The following ZMAT4 variants were observed in gnomAD, a reference collection of about 807,000 sequenced individuals.
ZMAT4 encodes the protein zinc finger matrin-type 4, also known as zinc finger matrin-type protein 4.
ZMAT4 carries 17 observed loss-of-function variants against 28.7 expected under a neutral mutation model. The observed-to-expected ratio is 0.59, with a 90% CI of 0.41 to 0.89. The LOEUF is 0.89. ZMAT4 is among the 40% of genes least tolerant of loss of function. ZMAT4 has a pLI of 0.00. For missense variants in ZMAT4, 240 were observed against 283.8 expected (o/e 0.85, Z 1.11); for synonymous variants, 117 against 109.2 (o/e 1.07, Z -0.44).
At chr8:40,532,680 C>T (rs1204990946) in intron 6 of ZMAT4, among the ~76,000 whole-genome samples, 2 of 121,392 alleles carry the variant, frequency 1.6e-5, no homozygotes, top group African/African-American at 6.2e-5. Context: ...TCAGAATTTT[C>T]TCTGTTAGAA....
At chr8:40,890,523 C>T (rs1037958096) in intron 1 of ZMAT4, among the ~76,000 whole-genome samples, 4 of 152,150 alleles carry the variant, frequency 2.6e-5, no homozygotes, top group Admixed American at 2.6e-4. Flanking sequence ...CCTGCGGGCC[C>T]TCGCCATTTC....
intron 3 of ZMAT4, among the ~76,000 whole-genome samples, chr8:40,710,928 G>A (rs893156285): frequency 6.4e-4 from 98 of 151,960 alleles, no homozygotes; most frequent in Non-Finnish European, 1.2e-3. Context: ...CTACAGGCAC[G>A]TGCCACCACA....
chr8:40,655,274 C>T (rs932328479), intron 5 of ZMAT4, among the ~76,000 whole-genome samples: 5 of 151,980 alleles, frequency 3.3e-5, no homozygotes, highest in African/African-American at 1.2e-4. Flanking sequence ...AAGACTTACA[C>T]ACTGAAACCT....
chr8:40,693,664 A>T (rs1211220827), intron 4 of ZMAT4, among the ~76,000 whole-genome samples: 3 of 152,244 alleles, frequency 2.0e-5, no homozygotes, highest in Non-Finnish European at 4.4e-5. Flanking sequence ...CATCCCTGTT[A>T]TAACAACTCA....
At chr8:40,696,771 C>T (rs1177509113) in intron 4 of ZMAT4, among the ~76,000 whole-genome samples, 2 of 152,050 alleles carry the variant, frequency 1.3e-5, no homozygotes, top group East Asian at 3.9e-4. Context: ...CACTAAAGTA[C>T]TTTTAAAGAT....
intron 6 of ZMAT4, among the ~76,000 whole-genome samples, chr8:40,552,860 C>T (rs990107456): frequency 6.6e-6 from 1 of 152,154 alleles, no homozygotes; most frequent in African/African-American, 2.4e-5. Flanking sequence ...TTCACCCCAC[C>T]TCCCGTCGCT....
chr8:40,611,339 T>A (rs953828164), intron 5 of ZMAT4, among the ~76,000 whole-genome samples: 1 of 152,096 alleles, frequency 6.6e-6, no homozygotes. Flanking sequence ...GTAGAATATA[T>A]CTGATATCAG....
chr8:40,633,475 C>A (rs1208745212), intron 5 of ZMAT4, among the ~76,000 whole-genome samples: 1 of 152,100 alleles, frequency 6.6e-6, no homozygotes, highest in South Asian at 2.1e-4. Context: ...TATTGAGGGA[C>A]AAGGGGTGAC....
At chr8:40,647,504 C>T (rs1454238850) in intron 5 of ZMAT4, among the ~76,000 whole-genome samples, 1 of 152,112 alleles carries the variant, frequency 6.6e-6, no homozygotes, top group Non-Finnish European at 1.5e-5. Flanking sequence ...GGGGGAGGGG[C>T]GCCCACCATT....
chr8:40,575,010 G>T (rs1224978214), intron 6 of ZMAT4, among the ~76,000 whole-genome samples: 1 of 152,148 alleles, frequency 6.6e-6, no homozygotes, highest in Admixed American at 6.5e-5. Flanking sequence ...CTGTTCTGGG[G>T]AGCTGATAGC....
At chr8:40,584,694 C>G (rs769843539) in intron 5 of ZMAT4, among the ~76,000 whole-genome samples, 59 of 151,998 alleles carry the variant, frequency 3.9e-4, no homozygotes, top group Admixed American at 3.1e-3. Flanking sequence ...GTGCGAGTGA[C>G]ATGATGTCAG....
At chr8:40,640,335 T>C (rs1182127062) in intron 5 of ZMAT4, among the ~76,000 whole-genome samples, 2 of 152,118 alleles carry the variant, frequency 1.3e-5, no homozygotes, top group African/African-American at 4.8e-5. Context: ...GCTAGAATGG[T>C]AGCTCAGCAG....
chr8:40,631,234 G>A (rs1030778896), intron 5 of ZMAT4, among the ~76,000 whole-genome samples: 4 of 152,126 alleles, frequency 2.6e-5, no homozygotes, highest in Admixed American at 6.5e-5. Context: ...GTGCTGAGGC[G>A]AGATTTCGGC....
chr8:40,547,385 C>T (rs58883945), intron 6 of ZMAT4, among the ~76,000 whole-genome samples: 2 of 152,184 alleles, frequency 1.3e-5, no homozygotes, highest in Non-Finnish European at 2.9e-5. Flanking sequence ...TGTTAAGAAG[C>T]CTCATCTTCA....
At chr8:40,755,460 T>C (rs1327705603) in intron 3 of ZMAT4, among the ~76,000 whole-genome samples, 2 of 152,198 alleles carry the variant, frequency 1.3e-5, no homozygotes, top group Non-Finnish European at 2.9e-5. Flanking sequence ...GAATTTCCTG[T>C]AATTTTTTTT....
At chr8:40,711,437 T>C (rs1810617040) in intron 3 of ZMAT4, among the ~76,000 whole-genome samples, 1 of 152,172 alleles carries the variant, frequency 6.6e-6, no homozygotes, top group South Asian at 2.1e-4. Context: ...CTCAACACCA[T>C]TTATAGTCTT....
intron 3 of ZMAT4, among the ~76,000 whole-genome samples, chr8:40,718,867 A>T: frequency 6.6e-6 from 1 of 152,186 alleles, no homozygotes; most frequent in East Asian, 1.9e-4. Flanking sequence ...TTGTGGATTC[A>T]AGTTCCAATT....
chr8:40,589,731 C>CTTTCTTTCTTTCTTT (rs1554523988), intron 5 of ZMAT4, among the ~76,000 whole-genome samples: 1,828 of 139,374 alleles, frequency 0.013, 49 homozygotes, highest in East Asian at 0.093. Flanking sequence ...TTCTTCCTTT[C>CTTTCTTTCTTTCTTT]CTTTCTTTCT....
At chr8:40,870,381 T>C (rs747120951) in intron 1 of ZMAT4, among the ~76,000 whole-genome samples, 24 of 152,300 alleles carry the variant, frequency 1.6e-4, no homozygotes, top group Middle Eastern at 6.8e-3. Flanking sequence ...TGTGTATGCA[T>C]GTAATTAAAA....
Sources: gnomAD v4.1 joint callset for allele counts (sites outside exome capture counted in the v4.1 genomes callset) on GRCh38, gnomAD v4.1.1 for gene constraint, MANE v1.5 for transcripts, NCBI Gene and HGNC (gene_info 2026-07-23, HGNC 2026-07-21) for gene names.